The following PCDH15 variants were observed in gnomAD, a reference collection of about 807,000 sequenced individuals.
The protein encoded by PCDH15 is protocadherin-15.
PCDH15 carries 129 observed loss-of-function variants against 178.5 expected under a neutral mutation model. The observed-to-expected ratio is 0.72, with a 90% CI of 0.63 to 0.84. PCDH15 has a LOEUF of 0.84. PCDH15 is among the 40% of genes least tolerant of loss of function. The pLI is 0.00. For synonymous variants in PCDH15, 800 were observed against 732.0 expected (o/e 1.09, Z -1.50); for missense variants, 2,230 against 2,099.9 (o/e 1.06, Z -1.21).
chr10:55,542,141 T>C (rs1841774733), intron 2 of PCDH15, among the ~76,000 whole-genome samples: 1 of 151,452 alleles, frequency 6.6e-6, no homozygotes, highest in Non-Finnish European at 1.5e-5. Flanking sequence ...ATTATATATA[T>C]ATGTCTATAT....
At position 54,613,537 on chromosome 10, in the gene PCDH15, A is replaced by G. The variant is rs141534912; in HGVS notation, c.91+50635T>C. On this transcript the variant is annotated intron_variant, in intron 2 of 37. Coordinates refer to ENST00000644397, the MANE Select transcript of PCDH15 (RefSeq NM_001384140.1). ...CACACACACACACTCACACACATACACATATGCACAAGGTAATTGAGGCTA... is the reference window on the plus strand; with the variant it reads ...CACACACACACACTCACACACATACGCATATGCACAAGGTAATTGAGGCTA... Among the ~76,000 whole-genome samples the G allele has an allele frequency of 8.3e-3, 1,252 of 151,556 alleles. 23 individuals carry two copies. Among genetic ancestry groups the G allele is most frequent in the African/African-American group, 0.029 (1,195 of 41,440 alleles).
intron 1 of PCDH15, among the ~76,000 whole-genome samples, chr10:55,196,747 A>T (rs1840102955): frequency 6.6e-6 from 1 of 152,082 alleles, no homozygotes; most frequent in South Asian, 2.1e-4. Context: ...TTATGTAAAG[A>T]AAAATTTTCC....
At position 55,598,291 on chromosome 10, in the gene PCDH15, C is replaced by T. The variant is rs181249270; in HGVS notation, c.-156+29334G>A. Among the ~76,000 whole-genome samples, 1,230 of 151,302 alleles carry T rather than the reference C, an allele frequency of 8.1e-3. 12 individuals are homozygous for T. Among genetic ancestry groups the T allele is most frequent in the Non-Finnish European group, 0.012 (815 of 67,842 alleles). On this transcript the variant is annotated intron_variant, in intron 2 of 5. Coordinates refer to the PCDH15 transcript ENST00000613346. ...GGACTTTAATGTCCTGAGGACACAACAGCTAAGGCACAAACTGGGATTAGA... is the reference window on the plus strand; with the variant it reads ...GGACTTTAATGTCCTGAGGACACAATAGCTAAGGCACAAACTGGGATTAGA...
At chr10:54,290,182 C>A (rs1436838551) in intron 8 of PCDH15, among the ~76,000 whole-genome samples, 2 of 152,208 alleles carry the variant, frequency 1.3e-5, no homozygotes, top group African/African-American at 2.4e-5. Context: ...GCCAATCAGA[C>A]TAACAGTGGG....
At chr10:54,918,052 T>C (rs1369119397) in intron 2 of PCDH15, among the ~76,000 whole-genome samples, 1 of 150,952 alleles carries the variant, frequency 6.6e-6, no homozygotes, top group African/African-American at 2.4e-5. Context: ...TTTAAGTTTC[T>C]CATGAATTCC....
intron 10 of PCDH15, among the ~76,000 whole-genome samples, chr10:54,207,544 A>G (rs1024361177): frequency 1.3e-5 from 2 of 152,204 alleles, no homozygotes; most frequent in Admixed American, 6.6e-5. Flanking sequence ...TTGAGCTTCT[A>G]CATCCTCTGT....
chr10:55,335,568 G>A (rs1160764824), intron 2 of PCDH15, among the ~76,000 whole-genome samples: 1 of 152,160 alleles, frequency 6.6e-6, no homozygotes, highest in Non-Finnish European at 1.5e-5. Context: ...TTTGCTTGTG[G>A]TAATTAAGAA....
chr10:53,858,121 A>C (rs1015261186), intron 27 of PCDH15, among the ~76,000 whole-genome samples: 13 of 152,164 alleles, frequency 8.5e-5, no homozygotes, highest in African/African-American at 2.7e-4. Flanking sequence ...CTGATATAAA[A>C]ATTCTAAAAA....
At chr10:54,654,452 A>T (rs2094332293) in intron 2 of PCDH15, among the ~76,000 whole-genome samples, 2 of 152,192 alleles carry the variant, frequency 1.3e-5, no homozygotes, top group African/African-American at 4.8e-5. Flanking sequence ...AGGAAAGGTA[A>T]ATCAATAATG....
intron 3 of PCDH15, among the ~76,000 whole-genome samples, chr10:54,518,065 T>C (rs1344146482): frequency 6.6e-6 from 1 of 152,124 alleles, no homozygotes; most frequent in Non-Finnish European, 1.5e-5. Flanking sequence ...CAAAGCAGTG[T>C]GTAGAGGGAA....
At chr10:54,758,237 T>C (rs977466501) in intron 1 of PCDH15, among the ~76,000 whole-genome samples, 1 of 152,214 alleles carries the variant, frequency 6.6e-6, no homozygotes, top group Non-Finnish European at 1.5e-5. Flanking sequence ...TATTTGATTG[T>C]GATGTGAAAG....
intron 3 of PCDH15, among the ~76,000 whole-genome samples, chr10:54,385,053 A>G (rs1344371880): frequency 6.6e-6 from 1 of 152,102 alleles, no homozygotes; most frequent in Non-Finnish European, 1.5e-5. Context: ...ATCCAAATCC[A>G]AGTGTATATT....
intron 1 of PCDH15, among the ~76,000 whole-genome samples, chr10:54,744,490 T>A (rs1328361156): frequency 6.6e-6 from 1 of 152,094 alleles, no homozygotes; most frequent in African/African-American, 2.4e-5. Context: ...AAGAACTAGA[T>A]ACAGTTAACA....
intron 3 of PCDH15, among the ~76,000 whole-genome samples, chr10:54,436,049 AGAAAAG>A (rs1352731420): frequency 3.5e-5 from 5 of 141,376 alleles, no homozygotes; most frequent in South Asian, 2.2e-4. Context: ...AGAGAGAGAG[AGAAAAG>A]AAAGAAAGAA....
chr10:54,454,773 C>G (rs934083708), intron 3 of PCDH15, among the ~76,000 whole-genome samples: 2 of 152,104 alleles, frequency 1.3e-5, no homozygotes, highest in Non-Finnish European at 2.9e-5. Context: ...GTCTTTTGAC[C>G]TTTTCAAGCA....
At chr10:53,892,277 G>A (rs1282572722) in intron 26 of PCDH15, among the ~76,000 whole-genome samples, 2 of 151,736 alleles carry the variant, frequency 1.3e-5, no homozygotes, top group South Asian at 2.1e-4. Context: ...CACCCGCCCC[G>A]GCCTCCCAAA....
chr10:55,222,730 C>CACACACACACACATATATATATATATAT, intron 1 of PCDH15, among the ~76,000 whole-genome samples: 2 of 121,272 alleles, frequency 1.6e-5, no homozygotes, highest in South Asian at 2.6e-4. Flanking sequence ...CACACACACA[C>CACACACACACACATATATATATATATAT]ATATATATAT....
intron 3 of PCDH15, among the ~76,000 whole-genome samples, chr10:54,860,116 C>A (rs946682839): frequency 6.6e-6 from 1 of 151,976 alleles, no homozygotes; most frequent in South Asian, 2.1e-4. Flanking sequence ...TAAAATTATT[C>A]TTTTCTTTCC....
intron 1 of PCDH15, among the ~76,000 whole-genome samples, chr10:54,741,927 C>T (rs1015228082): frequency 1.3e-5 from 2 of 152,002 alleles, no homozygotes; most frequent in Non-Finnish European, 1.5e-5. Context: ...TTCCCACTTA[C>T]CATGGGCTAT....
Sources: gnomAD v4.1 joint callset for allele counts (sites outside exome capture counted in the v4.1 genomes callset) on GRCh38, gnomAD v4.1.1 for gene constraint, MANE v1.5 for transcripts, NCBI Gene and HGNC (gene_info 2026-07-23, HGNC 2026-07-21) for gene names.